Variants in INSC observed in about 807,000 individuals in gnomAD.
The protein encoded by INSC is INSC spindle orientation adaptor protein, also known as protein inscuteable homolog.
INSC carries 67 observed loss-of-function variants against 58.6 expected under a neutral mutation model. The ratio of observed to expected loss-of-function variants is 1.14; its 90% CI spans 0.94 to 1.40. The LOEUF (loss-of-function observed/expected upper bound fraction) is 1.40. Ranked by LOEUF, INSC falls within the 40% of genes most tolerant of loss-of-function variation. INSC has a pLI of 0.00. For missense variants in INSC, 714 were observed against 692.0 expected, an observed-to-expected ratio of 1.03 and a Z score of -0.36; for synonymous variants, 262 against 276.1, an observed-to-expected ratio of 0.95 and a Z score of 0.51.
intron 1 of INSC, among the ~76,000 whole-genome samples, chr11:15,145,305 T>A (rs1848466011): frequency 6.6e-6 from 1 of 152,238 alleles, no homozygotes; most frequent in Non-Finnish European, 1.5e-5. Context: ...CAGGTCAGGA[T>A]CTGTACAAGT....
chr11:15,117,258 T>A (rs1282191907), intron 1 of INSC, among the ~76,000 whole-genome samples: 1 of 151,942 alleles, frequency 6.6e-6, no homozygotes, highest in African/African-American at 2.4e-5. Flanking sequence ...TCTTCTTTCT[T>A]AGTGTTTATG....
intron 3 of INSC, among the ~76,000 whole-genome samples, chr11:15,176,833 C>T (rs1256964528): frequency 6.6e-6 from 1 of 152,202 alleles, no homozygotes; most frequent in Non-Finnish European, 1.5e-5. Flanking sequence ...TAAAACTTCT[C>T]TTCATTCTTC....
chr11:15,180,223 A>C (rs1301823869), intron 5 of INSC, among the ~76,000 whole-genome samples: 1 of 152,082 alleles, frequency 6.6e-6, no homozygotes, highest in African/African-American at 2.4e-5. Context: ...GCGCCACTGC[A>C]CTCCAGCCTG....
chr11:15,171,939 G>A (rs1288522318), intron 2 of INSC, among the ~76,000 whole-genome samples: 1 of 152,198 alleles, frequency 6.6e-6, no homozygotes, highest in African/African-American at 2.4e-5. Flanking sequence ...AGCACCAATT[G>A]TTTCCAGGGG....
the INSC span, among the ~76,000 whole-genome samples, chr11:15,269,418 A>C: frequency 6.6e-6 from 1 of 152,012 alleles, no homozygotes; most frequent in Non-Finnish European, 1.5e-5. Context: ...TTAGGCACTT[A>C]TGGTGTAATG....
chr11:15,118,251 T>G (rs1037328921), intron 1 of INSC, among the ~76,000 whole-genome samples: 1 of 152,178 alleles, frequency 6.6e-6, no homozygotes, highest in Non-Finnish European at 1.5e-5. Flanking sequence ...AGGGAATCAT[T>G]TGTCACCTCT....
At position 15,238,963 on chromosome 11, in the gene INSC, G is replaced by T. The variant is rs1280514155; in HGVS notation, c.1282G>T (p.Gly428Trp). 3 of 1,614,196 alleles carry T rather than the reference G, an allele frequency of 1.9e-6. No homozygotes were observed. The highest frequency in any genetic ancestry group is 4.5e-5 in the East Asian group (2 of 44,876). Residue 428 changes from glycine to tryptophan, a missense_variant, in exon 11 of 13, where the codon GGG becomes TGG. Coordinates refer to ENST00000379556, the MANE Select transcript of INSC (RefSeq NM_001042536.3). ...MGMLSEKPRS[G>W]TPAEVAACER... ...CATGCTGTCTGAAAAACCAAGGTCT[G>T]GGACTCCTGCTGAAGTGGCAGCCTG...
intron 1 of INSC, among the ~76,000 whole-genome samples, chr11:15,136,053 T>C (rs545072987): frequency 6.6e-6 from 1 of 152,166 alleles, no homozygotes; most frequent in Admixed American, 6.5e-5. Flanking sequence ...TCTGCTCTCA[T>C]AACTTACAGG....
chr11:15,237,011 T>A (rs567259336), intron 10 of INSC, among the ~76,000 whole-genome samples: 1 of 152,106 alleles, frequency 6.6e-6, no homozygotes, highest in African/African-American at 2.4e-5. Context: ...TCAGTGGGAG[T>A]GGGTCTCCAT....
At chr11:15,178,007 A>G (rs1265150435) in intron 4 of INSC, among the ~76,000 whole-genome samples, 1 of 152,124 alleles carries the variant, frequency 6.6e-6, no homozygotes, top group Admixed American at 6.5e-5. Flanking sequence ...CCACCCCAAC[A>G]TCACAGAGAA....
At chr11:15,132,026 A>G (rs1337682902) in intron 1 of INSC, among the ~76,000 whole-genome samples, 1 of 151,974 alleles carries the variant, frequency 6.6e-6, no homozygotes, top group Non-Finnish European at 1.5e-5. Flanking sequence ...TTTAAAATTT[A>G]TTACTCATTT....
chr11:15,196,157 C>G (rs1029788994), intron 6 of INSC, among the ~76,000 whole-genome samples: 1 of 152,202 alleles, frequency 6.6e-6, no homozygotes, highest in South Asian at 2.1e-4. Context: ...ATGGGCCACA[C>G]CCTCCAGAGC....
intron 7 of INSC, among the ~76,000 whole-genome samples, chr11:15,212,287 G>A (rs2133909757): frequency 6.6e-6 from 1 of 152,228 alleles, no homozygotes; most frequent in South Asian, 2.1e-4. Flanking sequence ...TTTTAGTAGA[G>A]ACAGGTTTCA....
the INSC span, among the ~76,000 whole-genome samples, chr11:15,252,292 G>A: frequency 6.6e-6 from 1 of 152,184 alleles, no homozygotes; most frequent in African/African-American, 2.4e-5. Context: ...AATTAATGGT[G>A]AATGTTGCAC....
At chr11:15,113,119 C>CTCTCTCTTTCTTTCTTTCTTTCTTTCTT (rs1554899334), upstream of INSC, among the ~76,000 whole-genome samples, 2 of 73,264 alleles carry the variant, frequency 2.7e-5, no homozygotes, top group African/African-American at 4.8e-5. Flanking sequence ...TTCTCTCTCT[C>CTCTCTCTTTCTTTCTTTCTTTCTTTCTT]TCTTTCTTTC....
chr11:15,267,783 C>T, the INSC span, among the ~76,000 whole-genome samples: 1 of 151,922 alleles, frequency 6.6e-6, no homozygotes, highest in Non-Finnish European at 1.5e-5. Flanking sequence ...TAGTTTCATG[C>T]TTCTTTGCAA....
intron 6 of INSC, 109 bp from the exon 7 acceptor site, chr11:15,200,715 A>G: frequency 6.8e-7 from 1 of 1,473,822 alleles, no homozygotes; most frequent in Non-Finnish European, 9.3e-7. Flanking sequence ...TGCTGGAGGC[A>G]GGGAGGACCC....
At chr11:15,198,992 C>G (rs1399192427) in intron 6 of INSC, among the ~76,000 whole-genome samples, 2 of 152,112 alleles carry the variant, frequency 1.3e-5, no homozygotes, top group Non-Finnish European at 2.9e-5. Context: ...TCTACAACCC[C>G]CCACCCTCCG....
intron 1 of INSC, among the ~76,000 whole-genome samples, chr11:15,118,869 T>A (rs1486854936): frequency 6.6e-6 from 1 of 152,216 alleles, no homozygotes; most frequent in Non-Finnish European, 1.5e-5. Flanking sequence ...AGCTTCCTTT[T>A]TAGGCTCTTT....
Sources: gnomAD v4.1 joint callset for allele counts (sites outside exome capture counted in the v4.1 genomes callset) on GRCh38, gnomAD v4.1.1 for gene constraint, MANE v1.5 for transcripts, NCBI Gene and HGNC (gene_info 2026-07-23, HGNC 2026-07-21) for gene names.